The following DCLK1 variants were observed in gnomAD, a reference collection of about 807,000 sequenced individuals.
DCLK1 encodes serine/threonine-protein kinase DCLK1.
DCLK1 carries 16 observed loss-of-function variants against 86.2 expected under a neutral mutation model. That is an observed-to-expected ratio of 0.19 (90% CI 0.13 to 0.28). DCLK1 has a LOEUF of 0.28. DCLK1 is among the 10% of genes least tolerant of loss of function. DCLK1 has a pLI of 1.00. For missense variants in DCLK1, 590 were observed against 940.2 expected (o/e 0.63, Z 4.87); for synonymous variants, 369 against 370.5 (o/e 1.00, Z 0.05).
At chr13:35,836,408 G>C (rs948523075) in intron 7 of DCLK1, among the ~76,000 whole-genome samples, 3 of 152,166 alleles carry the variant, frequency 2.0e-5, no homozygotes, top group African/African-American at 7.2e-5. Flanking sequence ...ATGCCGTAGG[G>C]ATTCTCAGGA....
intron 4 of DCLK1, among the ~76,000 whole-genome samples, chr13:35,877,033 C>A (rs1872630316): frequency 6.6e-6 from 1 of 152,210 alleles, no homozygotes; most frequent in Non-Finnish European, 1.5e-5. Flanking sequence ...CCTCCCACAG[C>A]AGGCAAGCAA....
chr13:36,127,758 A>T (rs941697585), intron 1 of DCLK1, among the ~76,000 whole-genome samples: 1 of 152,052 alleles, frequency 6.6e-6, no homozygotes, highest in Non-Finnish European at 1.5e-5. Flanking sequence ...TGAAAGGTAC[A>T]TCTGTACCCC....
chr13:35,818,626 G>T (rs545639552), intron 11 of DCLK1, among the ~76,000 whole-genome samples: 2 of 152,168 alleles, frequency 1.3e-5, no homozygotes, highest in East Asian at 3.9e-4. Flanking sequence ...GTTATAGTTT[G>T]GTTAGTAAAG....
chr13:35,813,448 C>T (rs1468002526), intron 11 of DCLK1, among the ~76,000 whole-genome samples: 7 of 152,014 alleles, frequency 4.6e-5, no homozygotes, highest in African/African-American at 1.2e-4. Flanking sequence ...GTTTTCTTTT[C>T]GAACATCTAC....
chr13:36,085,137 T>C (rs1884547710), intron 3 of DCLK1, among the ~76,000 whole-genome samples: 1 of 152,142 alleles, frequency 6.6e-6, no homozygotes, highest in Non-Finnish European at 1.5e-5. Context: ...ATTATGTAAA[T>C]CAAATACACT....
intron 4 of DCLK1, among the ~76,000 whole-genome samples, chr13:35,900,404 C>G (rs1874281898): frequency 6.6e-6 from 1 of 152,038 alleles, no homozygotes; most frequent in Admixed American, 6.6e-5. Context: ...CCACACCCAG[C>G]TAATTTTTTG....
intron 3 of DCLK1, among the ~76,000 whole-genome samples, chr13:36,059,996 C>G (rs1883481546): frequency 6.6e-6 from 1 of 151,930 alleles, no homozygotes; most frequent in Admixed American, 6.6e-5. Context: ...CTCAGCCTCC[C>G]AAGTAGCTGG....
At chr13:36,079,590 C>T (rs146690766) in intron 3 of DCLK1, among the ~76,000 whole-genome samples, 33 of 152,164 alleles carry the variant, frequency 2.2e-4, no homozygotes, top group African/African-American at 6.7e-4. Flanking sequence ...CAAGTTCGCG[C>T]CATTGCACTC....
chr13:36,070,284 C>G (rs953664554), intron 3 of DCLK1, among the ~76,000 whole-genome samples: 1 of 152,098 alleles, frequency 6.6e-6, no homozygotes, highest in Non-Finnish European at 1.5e-5. Flanking sequence ...ACTTATCTCA[C>G]GGGATGGTTC....
At chr13:35,909,594 CAT>C (rs1491296495) in intron 4 of DCLK1, among the ~76,000 whole-genome samples, 3 of 103,558 alleles carry the variant, frequency 2.9e-5, no homozygotes, top group African/African-American at 1.2e-4. Context: ...TTGCTGTGTG[CAT>C]ATGTGTGTGT....
At chr13:35,867,105 C>T (rs1363866447) in intron 5 of DCLK1, among the ~76,000 whole-genome samples, 2 of 152,210 alleles carry the variant, frequency 1.3e-5, no homozygotes, top group African/African-American at 4.8e-5. Flanking sequence ...TGGGAGTTGA[C>T]TGCCCTGTGA....
chr13:35,827,613 A>T (rs1356001263), intron 10 of DCLK1, 22 bp downstream of exon 10: 1 of 1,613,424 alleles, frequency 6.2e-7, no homozygotes, highest in Non-Finnish European at 8.5e-7. Context: ...ATAAAGACTT[A>T]CTTTCTTTCC....
In DCLK1 at chr13:35,854,564, T is replaced by C. The variant is rs760066804; in HGVS notation, c.970A>G (p.Thr324Ala). The C allele has an allele frequency of 1.8e-5, 29 of 1,602,714 alleles. No individual in the cohort carries two copies. The highest frequency in any genetic ancestry group is 2.5e-5 in the Non-Finnish European group (29 of 1,173,528). Residue 324 changes from threonine to alanine, a missense_variant, in exon 6 of 17, where the codon ACT becomes GCT. Around this residue, in one of 6 missense-constraint regions of DCLK1, gnomAD observed 63 missense variants for 64.3 expected, o/e 0.98. Transcript: ENST00000360631. The stretch of plus-strand genomic sequence containing the variant: ...CTTGGCGACTTGCCTGAGCGCGGAG[T>C]AGAGAGCTGACTACCAGGGGTTCCA... ...VNGTPGSQLS[T>A]PRSGKSPSPS...
At chr13:35,869,253 C>T (rs1872087265) in intron 5 of DCLK1, 1 of 395,710 alleles carries the variant, frequency 2.5e-6, no homozygotes, top group Non-Finnish European at 5.1e-6. Flanking sequence ...CTGTGGAGGT[C>T]CTCTTCTCTG....
chr13:36,064,677 A>T (rs1883685144), intron 3 of DCLK1, among the ~76,000 whole-genome samples: 2 of 151,232 alleles, frequency 1.3e-5, no homozygotes, highest in Admixed American at 6.6e-5. Flanking sequence ...AAAAAGAAAG[A>T]AAGTCAGGGG....
intron 5 of DCLK1, among the ~76,000 whole-genome samples, chr13:35,862,298 C>T (rs903490022): frequency 6.6e-6 from 1 of 152,174 alleles, no homozygotes; most frequent in Non-Finnish European, 1.5e-5. Flanking sequence ...TCATTCCTTA[C>T]CTCTCCTCAT....
intron 3 of DCLK1, among the ~76,000 whole-genome samples, chr13:36,006,858 A>AT (rs1463336189): frequency 1.3e-5 from 2 of 152,206 alleles, no homozygotes; most frequent in Non-Finnish European, 2.9e-5. Flanking sequence ...GTGGACTATG[A>AT]TATTACTATG....
At chr13:36,026,427 C>A (rs957113144) in intron 3 of DCLK1, among the ~76,000 whole-genome samples, 5 of 152,164 alleles carry the variant, frequency 3.3e-5, no homozygotes, top group Admixed American at 6.5e-5. Flanking sequence ...CTATACACAA[C>A]TACAGATTTA....
intron 4 of DCLK1, among the ~76,000 whole-genome samples, chr13:35,945,233 T>C (rs931796695): frequency 3.9e-5 from 6 of 152,092 alleles, no homozygotes; most frequent in Admixed American, 6.5e-5. Flanking sequence ...AAGGGGGAAA[T>C]AGCAAGAGGA....
Sources: allele counts gnomAD v4.1 joint callset (sites outside exome capture counted in the v4.1 genomes callset), GRCh38; gene constraint gnomAD v4.1.1; regional missense constraint gnomAD v4.1.1; transcripts MANE v1.5; gene names NCBI Gene and HGNC (gene_info 2026-07-23, HGNC 2026-07-21).